Variants in SP2 observed in about 807,000 individuals in gnomAD.
The protein encoded by SP2 is transcription factor Sp2.
Under a neutral mutation model 50.1 loss-of-function variants are expected in SP2, and 9 were observed. The observed-to-expected ratio is 0.18, with a 90% CI of 0.11 to 0.31. SP2 has a LOEUF of 0.31. Among genes scored for constraint, SP2 ranks in the 10% least tolerant of loss-of-function variants. The pLI is 1.00. For missense variants in SP2, 581 were observed against 806.5 expected (o/e 0.72, Z 3.39); for synonymous variants, 313 against 326.6 (o/e 0.96, Z 0.45).
chr17:47,926,146 A>G (rs113875862), intron 6 of SP2, among the ~76,000 whole-genome samples: 1 of 150,902 alleles, frequency 6.6e-6, no homozygotes, highest in Admixed American at 6.6e-5. Flanking sequence ...CGAACCCCTG[A>G]CCTCAGGTAA....
chr17:47,927,160 C>T (rs2035681810), intron 6 of SP2, among the ~76,000 whole-genome samples: 1 of 152,092 alleles, frequency 6.6e-6, no homozygotes, highest in African/African-American at 2.4e-5. Context: ...GCAGAGGCTC[C>T]AGGGACAAGG....
chr17:47,913,501 C>T (rs1057023054), intron 1 of SP2, among the ~76,000 whole-genome samples: 2 of 152,158 alleles, frequency 1.3e-5, no homozygotes, highest in Non-Finnish European at 2.9e-5. Context: ...GATTTATGCA[C>T]TTTAAGATGG....
rs141502862 is a variant in SP2, at chr17:47,916,101, C to A, written c.85-55C>A. The A allele has an allele frequency of 1.3e-6, 2 of 1,549,278 alleles. No individual in the cohort carries two copies. Among genetic ancestry groups the A allele is most frequent in the Non-Finnish European group, 1.7e-6 (2 of 1,148,720 alleles). On this transcript the variant is annotated intron_variant, in intron 2 of 6. Coordinates refer to ENST00000376741, the MANE Select transcript of SP2 (RefSeq NM_003110.6). This position sits in a 1 kb window ranked among gnomAD's most constrained non-coding sequence, Gnocchi z 4.7. ...AGGAGGAGAGGATCATGGACAGAGGCGGCCGGGCAGCGGGCCTTCCTGTCT... is the reference window on the plus strand; with the variant it reads ...AGGAGGAGAGGATCATGGACAGAGGAGGCCGGGCAGCGGGCCTTCCTGTCT...
intron 6 of SP2, among the ~76,000 whole-genome samples, chr17:47,925,805 A>T (rs1460606408): frequency 6.6e-6 from 1 of 152,018 alleles, no homozygotes. Flanking sequence ...TAGTTATTTA[A>T]CAAACACTGA....
chr17:47,905,348 CA>C (rs2034714329), intron 1 of SP2, among the ~76,000 whole-genome samples: 2 of 152,090 alleles, frequency 1.3e-5, no homozygotes, highest in Non-Finnish European at 2.9e-5. Context: ...CCAAAATAGC[CA>C]AGAGAAAGAC....
chr17:47,898,490 G>T (rs946820101), intron 1 of SP2: 4 of 152,168 alleles, frequency 2.6e-5, no homozygotes, highest in Admixed American at 6.5e-5. Context: ...TAAACTTGTT[G>T]CAGCCAACCA....
intron 1 of SP2, among the ~76,000 whole-genome samples, chr17:47,910,039 A>C (rs2034920412): frequency 6.6e-6 from 1 of 152,124 alleles, no homozygotes; most frequent in South Asian, 2.1e-4. Context: ...TAGTAGAGAC[A>C]GGATTTCACC....
chr17:47,916,577 C>A lies in SP2; in HGVS notation c.506C>A (p.Pro169His). Residue 169 changes from proline to histidine, a missense_variant, in exon 3 of 7, where the codon CCC (proline) becomes CAC (histidine). Physicochemically the swap from Pro to His is moderately conservative, Grantham distance 77 (BLOSUM62 -2). Transcript: ENST00000376741. This position sits in a 1 kb window ranked among gnomAD's most constrained non-coding sequence, Gnocchi z 4.7. ...GGCACCAACCAAGCCATCATCACCC[C>A]CTCACCGTCCAGTCACAAGCCTGTC... ...IPGTNQAIIT[P>H]SPSSHKPVPI... 6.2e-7 allele frequency: 1 copy of A among 1,614,184 alleles called. No individual in the cohort carries two copies. Among genetic ancestry groups the A allele is most frequent in the Non-Finnish European group, 8.5e-7 (1 of 1,180,028 alleles).
intron 3 of SP2, chr17:47,917,796 A>T: frequency 2.2e-6 from 1 of 444,804 alleles, no homozygotes; most frequent in East Asian, 7.6e-5. Context: ...CTTCCTGCCA[A>T]ACTGGGATGC....
rs768927056 is a variant in SP2, at chr17:47,916,595, A to G, written c.524A>G (p.Lys175Arg). 1.9e-6 allele frequency: 3 copies of G among 1,613,990 alleles called. No individual in the cohort carries two copies. The highest frequency in any genetic ancestry group is 2.5e-6 in the Non-Finnish European group (3 of 1,180,006). The change falls in exon 3 of 7, where the codon AAG (lysine) becomes AGG (arginine). Residue 175 changes from lysine to arginine, a missense_variant. Around this residue, in one of 2 missense-constraint regions of SP2, gnomAD observed 397 missense variants for 491.0 expected, o/e 0.81. Transcript: ENST00000376741. The surrounding 1 kb of genome is among the most constrained non-coding windows in gnomAD (Gnocchi z 4.7). The part of the protein sequence containing the change: ...AIITPSPSSH[K>R]PVPIKPAPIQ... ...ATCACCCCCTCACCGTCCAGTCACA[A>G]GCCTGTCCCCATCAAGCCAGCCCCC...
At chr17:47,911,699 G>A (rs1050567089) in intron 1 of SP2, among the ~76,000 whole-genome samples, 2 of 151,946 alleles carry the variant, frequency 1.3e-5, no homozygotes, top group Admixed American at 1.3e-4. Context: ...CCACTACTTG[G>A]GAGGCTGAGG....
chr17:47,914,059 C>T lies in SP2; in HGVS notation c.8-1253C>T, dbSNP rs116673761. Among the ~76,000 whole-genome samples, 561 of 152,260 alleles carry T rather than the reference C, an allele frequency of 3.7e-3. 4 individuals are homozygous for T. Among genetic ancestry groups the T allele is most frequent in the African/African-American group, 0.013 (527 of 41,548 alleles). ...CCGTGCCTATTGTACTATGTAAAAG[C>T]GTAAATTCAAGTAAAGAATTGACCC... On this transcript the variant is annotated intron_variant, in intron 1 of 6. Coordinates refer to ENST00000376741, the MANE Select transcript of SP2 (RefSeq NM_003110.6).
Position 47,918,127 on chromosome 17 carries a change from T to A in SP2, c.1059+997T>A, listed in dbSNP as rs892207083. On this transcript the variant is annotated intron_variant, in intron 3 of 6. Transcript: ENST00000376741. ...TAAAATTGAGGAGTTTTTTTTTTTT[T>A]AATATAAAAAACAGTTCCTGCCATC... Among the ~76,000 whole-genome samples, 12 of 151,898 alleles carry A rather than the reference T, an allele frequency of 7.9e-5. No individual in the cohort carries two copies. In the South Asian group the frequency reaches 1.2e-3, roughly 16 times the overall value.
chr17:47,896,710 G>A (rs1204560576), intron 1 of SP2, among the ~76,000 whole-genome samples: 1 of 152,212 alleles, frequency 6.6e-6, no homozygotes, highest in Non-Finnish European at 1.5e-5. Flanking sequence ...CCGTGTCTGA[G>A]AGGCCTTCCT....
At position 47,916,839 on chromosome 17, in the gene SP2, G is replaced by C. The variant is rs995158600; in HGVS notation, c.768G>C (p.Gln256His). The change falls in exon 3 of 7, where the codon CAG becomes CAC. Residue 256 changes from glutamine (Q) to histidine (H), a missense_variant. Physicochemically the swap from Gln to His is conservative, Grantham distance 24. This residue lies in a region of SP2 where 397 missense variants were observed against 491.0 expected (regional missense o/e 0.81). Transcript: ENST00000376741. This position sits in a 1 kb window ranked among gnomAD's most constrained non-coding sequence, Gnocchi z 4.7. ...GGAAGAAGAGCCTTCCTGCCTCCCA[G>C]CCCCCTGTGGCTGTGGCTGAGCAGG... is the stretch of plus-strand genomic sequence containing the variant. The part of the protein sequence containing the change: ...KARKKSLPAS[Q>H]PPVAVAEQVE... 1.2e-6 allele frequency: 2 copies of C among 1,614,134 alleles called. No homozygotes were observed. The highest frequency in any genetic ancestry group is 2.7e-5 in the African/African-American group (2 of 75,042).
chr17:47,930,439 A>G (rs1052736360), downstream of SP2, among the ~76,000 whole-genome samples: 5 of 152,176 alleles, frequency 3.3e-5, no homozygotes, highest in African/African-American at 1.2e-4. Context: ...GCCAGCCCCA[A>G]GTTGGGCAGG....
chr17:47,898,871 T>G (rs570891152), intron 1 of SP2: 1 of 152,232 alleles, frequency 6.6e-6, no homozygotes, highest in Non-Finnish European at 1.5e-5. Flanking sequence ...GAAGCTCATA[T>G]GCTTTCTTAC....
chr17:47,904,458 G>T (rs185744146), intron 1 of SP2, among the ~76,000 whole-genome samples: 83 of 152,178 alleles, frequency 5.5e-4, no homozygotes, highest in African/African-American at 1.9e-3. Context: ...TGCTTGAAGA[G>T]AAGGGGAGAC....
At chr17:47,915,759 C>T (rs932408784) in intron 2 of SP2, among the ~76,000 whole-genome samples, 1 of 152,002 alleles carries the variant, frequency 6.6e-6, no homozygotes, top group African/African-American at 2.4e-5. Flanking sequence ...TCCATTTTTT[C>T]CTCCCTCCTT....
Sources: gnomAD v4.1 joint callset for allele counts (sites outside exome capture counted in the v4.1 genomes callset) on GRCh38, gnomAD v4.1.1 for gene constraint, gnomAD v4.1.1 regional missense constraint, Gnocchi (gnomAD v3.1) non-coding constraint, MANE v1.5 for transcripts, NCBI Gene and HGNC (gene_info 2026-07-23, HGNC 2026-07-21) for gene names.